Variants in SGCD observed in about 807,000 individuals in gnomAD.
SGCD encodes sarcoglycan delta.
SGCD carries 18 observed loss-of-function variants against 36.6 expected under a neutral mutation model. That is an observed-to-expected ratio of 0.49 (90% CI 0.34 to 0.73). The LOEUF is 0.73. Ranked by LOEUF, SGCD falls within the 30% of genes least tolerant of loss-of-function variation. The pLI is 0.01. For synonymous variants in SGCD, 133 were observed against 130.6 expected, an observed-to-expected ratio of 1.02 and a Z score of -0.12; for missense variants, 387 against 346.7, an observed-to-expected ratio of 1.12 and a Z score of -0.92.
the SGCD span, among the ~76,000 whole-genome samples, chr5:155,816,313 A>G: frequency 2.6e-5 from 4 of 152,352 alleles, no homozygotes; most frequent in South Asian, 8.3e-4. Flanking sequence ...CTTACTGATA[A>G]TATAGATAAC....
At chr5:156,711,323 T>C (rs183668730) in intron 7 of SGCD, among the ~76,000 whole-genome samples, 1 of 152,342 alleles carries the variant, frequency 6.6e-6, no homozygotes, top group East Asian at 1.9e-4. Context: ...TTAGTAAACA[T>C]TGTGTGTCCA....
chr5:156,397,479 C>A (rs573891363), intron 3 of SGCD, among the ~76,000 whole-genome samples: 1 of 152,166 alleles, frequency 6.6e-6, no homozygotes, highest in Non-Finnish European at 1.5e-5. Flanking sequence ...GAGGACAAAT[C>A]CAATGTTCAG....
the SGCD span, among the ~76,000 whole-genome samples, chr5:155,757,686 T>C: frequency 6.6e-6 from 1 of 152,192 alleles, no homozygotes; most frequent in African/African-American, 2.4e-5. Flanking sequence ...GTGGGTCCTC[T>C]TCAGGATCAG....
chr5:156,179,896 T>A (rs1763562533), intron 3 of SGCD, among the ~76,000 whole-genome samples: 1 of 152,296 alleles, frequency 6.6e-6, no homozygotes, highest in Admixed American at 6.5e-5. Context: ...AATGTTGGGA[T>A]TACAGGCGTG....
At chr5:156,510,885 G>A (rs187072348) in intron 4 of SGCD, among the ~76,000 whole-genome samples, 3 of 152,204 alleles carry the variant, frequency 2.0e-5, no homozygotes. Context: ...TGTTTTAGAA[G>A]ACTTGAAAAC....
intron 7 of SGCD, among the ~76,000 whole-genome samples, chr5:156,733,642 T>C (rs1756195811): frequency 6.6e-6 from 1 of 152,156 alleles, no homozygotes; most frequent in Non-Finnish European, 1.5e-5. Flanking sequence ...CTGAGTCTCT[T>C]TGAAGGTCTC....
At chr5:156,165,018 T>G (rs546174122) in intron 3 of SGCD, among the ~76,000 whole-genome samples, 162 of 152,324 alleles carry the variant, frequency 1.1e-3, no homozygotes, top group African/African-American at 3.7e-3. Context: ...TGTGAGAACA[T>G]TTGATCAGAG....
chr5:155,979,227 C>T (rs534072240), intron 1 of SGCD, among the ~76,000 whole-genome samples: 9 of 152,284 alleles, frequency 5.9e-5, no homozygotes, highest in East Asian at 5.8e-4. Context: ...CTTGGAATAA[C>T]GAGTGCATTA....
chr5:156,572,584 T>G (rs17640310), intron 4 of SGCD, among the ~76,000 whole-genome samples: 18,898 of 152,184 alleles, frequency 0.12, 1,333 homozygotes, highest in Admixed American at 0.17. Flanking sequence ...CTCTCCAACC[T>G]GAAGTCTTTT....
At position 156,677,313 on chromosome 5, in the gene SGCD, C is replaced by T. The variant is rs188873862; in HGVS notation, c.575+29777C>T. Among the ~76,000 whole-genome samples the T allele has an allele frequency of 3.9e-3, 590 of 152,324 alleles. 3 individuals carry two copies. The highest frequency in any genetic ancestry group is 0.013 in the African/African-American group (559 of 41,560). ...GGATGAAGAAAATGTGGCACATATACACTATGGAATACTATGCAGCCATAA... is the reference window on the plus strand; with the variant it reads ...GGATGAAGAAAATGTGGCACATATATACTATGGAATACTATGCAGCCATAA... On this transcript the variant is annotated intron_variant, in intron 7 of 8. Coordinates refer to ENST00000337851, the MANE Select transcript of SGCD (RefSeq NM_000337.6).
chr5:156,344,500 G>C lies in SGCD; in HGVS notation c.15G>C (p.Glu5Asp), dbSNP rs549319429. ...CTCGTTTATTTCAGATGCCTCAGGA[G>C]CAGTACACTCACCACCGGAGCACCA... MMPQ[E>D]QYTHHRSTMP... Residue 5 changes from glutamate to aspartate, a missense_variant, in exon 3 of 9, where the codon GAG (glutamate) becomes GAC (aspartate). Glu to Asp is a conservative substitution (Grantham distance 45, BLOSUM62 2). Coordinates refer to ENST00000337851, the MANE Select transcript of SGCD (RefSeq NM_000337.6). 789 of 1,596,126 alleles carry C rather than the reference G, an allele frequency of 4.9e-4. 12 individuals are homozygous for C. The South Asian group carries it at 7.1e-3, about 14-fold the overall frequency.
At chr5:156,264,295 T>C (rs1258818652) in intron 3 of SGCD, among the ~76,000 whole-genome samples, 2 of 152,060 alleles carry the variant, frequency 1.3e-5, no homozygotes, top group East Asian at 3.9e-4. Flanking sequence ...GTGGTAAAAC[T>C]TCAGATCATT....
chr5:156,646,834 A>T (rs905163227), intron 6 of SGCD, among the ~76,000 whole-genome samples: 1 of 152,190 alleles, frequency 6.6e-6, no homozygotes, highest in Admixed American at 6.5e-5. Flanking sequence ...AGTTGTAAAG[A>T]TAAAAGCTTA....
At chr5:155,793,538 T>G in the SGCD span, among the ~76,000 whole-genome samples, 5 of 151,782 alleles carry the variant, frequency 3.3e-5, no homozygotes, top group Non-Finnish European at 7.4e-5. Flanking sequence ...AAATGTCAGT[T>G]TTTTTTTCTT....
At chr5:156,729,746 A>T (rs1755962440) in intron 7 of SGCD, among the ~76,000 whole-genome samples, 1 of 152,216 alleles carries the variant, frequency 6.6e-6, no homozygotes, top group Non-Finnish European at 1.5e-5. Context: ...GTTACCAGCC[A>T]TAGGCAGAAC....
Position 155,902,621 on chromosome 5 carries a change from C to T in SGCD, c.-282+32197C>T, listed in dbSNP as rs144927477. Among the ~76,000 whole-genome samples the T allele has an allele frequency of 8.2e-4, 125 of 152,286 alleles. 1 individual carries two copies. The highest frequency in any genetic ancestry group is 2.8e-3 in the African/African-American group (116 of 41,570). Reference sequence around the variant, plus strand: ...CCTAGTTATTCTGTGACCACAGCTTCTGACTTTACTTCCTTGACCTTGGCA... The same window carrying T: ...CCTAGTTATTCTGTGACCACAGCTTTTGACTTTACTTCCTTGACCTTGGCA... On this transcript the variant is annotated intron_variant, in intron 1 of 9. Coordinates refer to the SGCD transcript ENST00000517913.
intron 1 of SGCD, among the ~76,000 whole-genome samples, chr5:155,968,537 A>C (rs1249521568): frequency 6.6e-6 from 1 of 152,058 alleles, no homozygotes; most frequent in Admixed American, 6.6e-5. Context: ...TGTTGCAGTT[A>C]TTCTTTTATT....
chr5:156,548,538 C>T (rs1742191894), intron 4 of SGCD, among the ~76,000 whole-genome samples: 1 of 152,298 alleles, frequency 6.6e-6, no homozygotes, highest in South Asian at 2.1e-4. Flanking sequence ...AGTTTAAGAG[C>T]TTTGGTCTTG....
intron 3 of SGCD, among the ~76,000 whole-genome samples, chr5:156,408,256 A>G (rs2127767537): frequency 6.6e-6 from 1 of 152,346 alleles, no homozygotes; most frequent in South Asian, 2.1e-4. Context: ...TGAGGAAGCC[A>G]CATTGCACTC....
Sources: allele counts gnomAD v4.1 joint callset (sites outside exome capture counted in the v4.1 genomes callset), GRCh38; gene constraint gnomAD v4.1.1; transcripts MANE v1.5; gene names NCBI Gene and HGNC (gene_info 2026-07-23, HGNC 2026-07-21).